The following LRRC9 variants were observed in gnomAD, a reference collection of about 807,000 sequenced individuals.
LRRC9 encodes leucine rich repeat containing 9.
In LRRC9, 122 loss-of-function variants were observed where a neutral mutation model predicts 63.2. The observed-to-expected ratio is 1.93, with a 90% CI of 1.67 to 2.24. LRRC9 has a LOEUF of 2.24. LRRC9 is among the 30% of genes most tolerant of loss of function. The pLI, the probability that LRRC9 is intolerant of heterozygous loss-of-function variation, is 0.00. For synonymous variants in LRRC9, 366 were observed against 213.1 expected, an observed-to-expected ratio of 1.72 and a Z score of -6.25; for missense variants, 1,071 against 627.7, an observed-to-expected ratio of 1.71 and a Z score of -7.55.
rs187524913 is a variant in LRRC9 at position 59,959,850 on chromosome 14, G to A, written c.915G>A (p.Ser305=). ...GAGAACTGGCTGAACTCAAGGGCTCGGGCAAAGGGCACAGTGATGGATCCA... is the reference window on the plus strand; with the variant it reads ...GAGAACTGGCTGAACTCAAGGGCTCAGGCAAAGGGCACAGTGATGGATCCA... Residue 305 remains serine, a synonymous_variant, in exon 9 of 32, where the codon TCG becomes TCA. Transcript: ENST00000445360. 2.3e-5 allele frequency: 15 copies of A among 660,098 alleles called. 1 individual carries two copies. The highest frequency in any genetic ancestry group is 6.6e-5 in the South Asian group (4 of 60,242). 40.9% of individuals were successfully genotyped at this position (660,098 alleles called of 1,614,324 possible).
At chr14:59,952,033 T>C (rs943775753) in intron 8 of LRRC9, among the ~76,000 whole-genome samples, 3 of 151,926 alleles carry the variant, frequency 2.0e-5, no homozygotes, top group Non-Finnish European at 4.4e-5. Flanking sequence ...TCCACCCAGT[T>C]CGAGCTTCCC....
chr14:60,008,200 G>A lies in LRRC9; in HGVS notation c.3172G>A (p.Asp1058Asn), dbSNP rs1320046853. Reference sequence around the variant, plus strand: ...TCATCTTCCAGAACTGAAAGCTTTGGATGGGATACCAATTGTAAGTTGATT... The same window carrying A: ...TCATCTTCCAGAACTGAAAGCTTTGAATGGGATACCAATTGTAAGTTGATT... Residue 1058 changes from aspartate (D) to asparagine (N), a missense_variant, in exon 23 of 32, where the codon GAT (aspartate) becomes AAT (asparagine). Physicochemically the swap from Asp to Asn is conservative, Grantham distance 23. Transcript: ENST00000445360. The A allele has an allele frequency of 5.7e-6, 4 of 699,924 alleles. No individual in the cohort carries two copies. In the East Asian group the frequency reaches 1.1e-4, roughly 19 times the overall value. 43.4% of individuals were successfully genotyped at this position (699,924 alleles called of 1,614,324 possible).
rs542283461 is a variant in LRRC9 at position 59,954,607 on chromosome 14, A to G, written c.883-5211A>G. 3.3e-5 allele frequency among the ~76,000 whole-genome samples: 5 copies of G among 152,362 alleles called. No individual in the cohort carries two copies. The East Asian group carries it at 9.6e-4, about 29-fold the overall frequency. Reference sequence around the variant, plus strand: ...ATATACAATCATGTCATCTGCAAACAGAGACAATTTGACTTCCTGTCTTCC... The same window carrying G: ...ATATACAATCATGTCATCTGCAAACGGAGACAATTTGACTTCCTGTCTTCC... On this transcript the variant is annotated intron_variant, in intron 8 of 31. Transcript: ENST00000445360.
chr14:60,048,217 AC>A (rs1370590873), intron 29 of LRRC9, among the ~76,000 whole-genome samples: 1 of 152,196 alleles, frequency 6.6e-6, no homozygotes, highest in Non-Finnish European at 1.5e-5. Context: ...ACCTAACATC[AC>A]AACCAAAAGA....
intron 1 of LRRC9, among the ~76,000 whole-genome samples, chr14:59,926,803 C>T (rs904741844): frequency 6.6e-6 from 1 of 152,068 alleles, no homozygotes; most frequent in African/African-American, 2.4e-5. Context: ...TTTCTCATTC[C>T]ACTTTTAGGT....
chr14:59,936,456 A>G lies in LRRC9; in HGVS notation c.544-1934A>G, dbSNP rs1890148621. Among the ~76,000 whole-genome samples, 1 of 152,106 alleles carries G rather than the reference A, an allele frequency of 6.6e-6. No individual in the cohort carries two copies. Among genetic ancestry groups the G allele is most frequent in the Non-Finnish European group, 1.5e-5 (1 of 68,016 alleles). ...TCAATTCTGTGCCCACCTTCCAACC[A>G]TACCAGGCACCAGAGCACTAATTTT... is the stretch of plus-strand genomic sequence containing the variant. On this transcript the variant is annotated intron_variant, in intron 6 of 31. Transcript: ENST00000445360. The surrounding 1 kb of genome is among the most constrained non-coding windows in gnomAD (Gnocchi z 4.2).
chr14:59,972,355 T>C (rs985402331), intron 12 of LRRC9, among the ~76,000 whole-genome samples: 3 of 152,142 alleles, frequency 2.0e-5, no homozygotes, highest in African/African-American at 7.2e-5. Context: ...TCCTTTAATA[T>C]AACTTAAAAT....
intron 31 of LRRC9, among the ~76,000 whole-genome samples, chr14:60,059,771 C>T (rs1304251045): frequency 6.6e-6 from 1 of 152,198 alleles, no homozygotes; most frequent in Non-Finnish European, 1.5e-5. Flanking sequence ...AGGAAAGAAT[C>T]ACGAACTATT....
chr14:60,036,477 T>C (rs910544414), intron 29 of LRRC9, among the ~76,000 whole-genome samples: 5 of 152,214 alleles, frequency 3.3e-5, no homozygotes, highest in African/African-American at 4.8e-5. Flanking sequence ...TGATGATTCC[T>C]TCACATTGAT....
Position 59,923,736 on chromosome 14 carries a change from C to G in LRRC9, c.-34+3853C>G, listed in dbSNP as rs1360447043. ...TGGGTGGATCACGAGGTCTGGAGAT[C>G]AAGACCATCCTGGCTAACACGGTGA... On this transcript the variant is annotated intron_variant, in intron 1 of 31. Coordinates refer to ENST00000445360, the Ensembl canonical transcript of LRRC9. This position sits in a 1 kb window ranked among gnomAD's most constrained non-coding sequence, Gnocchi z 4.2. Among the ~76,000 whole-genome samples, 1 of 152,188 alleles carries G rather than the reference C, an allele frequency of 6.6e-6. No individual in the cohort carries two copies. Among genetic ancestry groups the G allele is most frequent in the Non-Finnish European group, 1.5e-5 (1 of 68,030 alleles).
At chr14:59,995,009 A>AGT (rs1555379311) in intron 17 of LRRC9, among the ~76,000 whole-genome samples, 1 of 17,316 alleles carries the variant, frequency 5.8e-5, no homozygotes, top group African/African-American at 7.2e-5. Context: ...AAAGTATAAT[A>AGT]AAAAAAAAAG....
rs1351300611 is a variant in LRRC9 at position 59,962,061 on chromosome 14, G to T, written c.1211+1016G>T. Among the ~76,000 whole-genome samples the T allele has an allele frequency of 6.6e-6, 1 of 152,080 alleles. No individual in the cohort carries two copies. Among genetic ancestry groups the T allele is most frequent in the Non-Finnish European group, 1.5e-5 (1 of 68,010 alleles). ...GAAAAAAAAACTGTTATTGTTATGG[G>T]TTACTTTAAACCAAGTCCCCTGATT... is the stretch of plus-strand genomic sequence containing the variant. On this transcript the variant is annotated intron_variant, in intron 10 of 31. Transcript: ENST00000445360. The surrounding 1 kb of genome is among the most constrained non-coding windows in gnomAD (Gnocchi z 5.1).
At chr14:59,979,142 C>T (rs1221332318) in intron 15 of LRRC9, among the ~76,000 whole-genome samples, 2 of 152,104 alleles carry the variant, frequency 1.3e-5, no homozygotes, top group African/African-American at 2.4e-5. Context: ...CATGGTGGCT[C>T]ATGCCTGCAA....
chr14:59,978,112 G>C lies in LRRC9; in HGVS notation c.1858G>C (p.Glu620Gln), dbSNP rs776217969. Reference sequence around the variant, plus strand: ...CCTTGTTTTGCCGGAATATGTTGTTGAATTTGAGTATATTACAATGGTATG... The same window carrying C: ...CCTTGTTTTGCCGGAATATGTTGTTCAATTTGAGTATATTACAATGGTATG... The change falls in exon 15 of 32, where the codon GAA (glutamate) becomes CAA (glutamine). Residue 620 changes from glutamate (E) to glutamine (Q), a missense_variant. Physicochemically the swap from Glu to Gln is conservative, Grantham distance 29. Coordinates refer to ENST00000445360, the Ensembl canonical transcript of LRRC9. The C allele has an allele frequency of 4.3e-6, 3 of 701,976 alleles. No individual in the cohort carries two copies. In the South Asian group the frequency reaches 4.4e-5, roughly 10 times the overall value. The allele number at this position is 701,976 out of a possible 1,614,324, so 43.5% of individuals were successfully genotyped here.
chr14:59,932,020 A>G lies in LRRC9; in HGVS notation c.524A>G (p.Asn175Ser), dbSNP rs1439595898. 4.3e-6 allele frequency: 3 copies of G among 700,216 alleles called. No homozygotes were observed. The highest frequency in any genetic ancestry group is 3.0e-5 in the South Asian group (2 of 67,168). 43.4% of individuals were successfully genotyped at this position (700,216 alleles called of 1,614,324 possible). Residue 175 changes from asparagine (N) to serine (S), a missense_variant, in exon 6 of 32, where the codon AAC becomes AGC. Coordinates refer to ENST00000445360, the Ensembl canonical transcript of LRRC9. This position sits in a 1 kb window ranked among gnomAD's most constrained non-coding sequence, Gnocchi z 4.7. ...CTGGAAAGATTAAACCTTTCTGGTAACCAAATATGTTCTTTCAAGGTATGT... is the reference window on the plus strand; with the variant it reads ...CTGGAAAGATTAAACCTTTCTGGTAGCCAAATATGTTCTTTCAAGGTATGT...
intron 10 of LRRC9, among the ~76,000 whole-genome samples, chr14:59,963,510 C>CT (rs1284585320): frequency 6.8e-6 from 1 of 147,440 alleles, no homozygotes; most frequent in East Asian, 2.0e-4. Context: ...GTATTTACAA[C>CT]TAAAAAAAAA....
At position 60,016,017 on chromosome 14, in the gene LRRC9, G is replaced by T. The variant is rs578140493; in HGVS notation, c.3187-643G>T. On this transcript the variant is annotated intron_variant, in intron 23 of 31. Transcript: ENST00000445360. Reference sequence around the variant, plus strand: ...CCGATCCTTTGATTAGAGAGAGCAGGCTTTTTGTGGACTTTGTCTTGTTAT... The same window carrying T: ...CCGATCCTTTGATTAGAGAGAGCAGTCTTTTTGTGGACTTTGTCTTGTTAT... Among the ~76,000 whole-genome samples, 51 of 152,198 alleles carry T rather than the reference G, an allele frequency of 3.4e-4. 2 individuals carry two copies. The South Asian group carries it at 7.9e-3, about 23-fold the overall frequency.
chr14:59,960,861 T>A, intron 9 of LRRC9, 53 bp from the exon 10 acceptor site: 1 of 523,248 alleles, frequency 1.9e-6, no homozygotes, highest in African/African-American at 2.0e-5. Flanking sequence ...TAAGTTTTAA[T>A]GTTGCGATTT....
chr14:59,999,802 T>C (rs1298241928), intron 19 of LRRC9, among the ~76,000 whole-genome samples: 2 of 152,036 alleles, frequency 1.3e-5, no homozygotes, highest in African/African-American at 2.4e-5. Flanking sequence ...ATGTTTAGTT[T>C]TGGATCTATT....
Sources: gnomAD v4.1 joint callset for allele counts (sites outside exome capture counted in the v4.1 genomes callset) on GRCh38, gnomAD v4.1.1 for gene constraint, Gnocchi (gnomAD v3.1) non-coding constraint, MANE v1.5 for transcripts, NCBI Gene and HGNC (gene_info 2026-07-23, HGNC 2026-07-21) for gene names.